The following MACF1 variants were observed in gnomAD, a reference collection of about 807,000 sequenced individuals.
The protein encoded by MACF1 is microtubule-actin cross-linking factor 1.
Under a neutral mutation model 854.8 loss-of-function variants are expected in MACF1, and 193 were observed. The observed-to-expected ratio is 0.23, with a 90% confidence interval of 0.20 to 0.25. The LOEUF is 0.25. MACF1 is among the 10% of genes least tolerant of loss of function. The pLI is 1.00. For missense variants in MACF1, 7,722 were observed against 8,929.1 expected (o/e 0.86, Z 5.45); for synonymous variants, 3,185 against 3,226.7 (o/e 0.99, Z 0.44).
rs616470 is a variant in MACF1, at chr1:39,455,763, G to T, written c.21075+666G>T. 3.8e-3 allele frequency among the ~76,000 whole-genome samples: 580 copies of T among 152,234 alleles called. 3 individuals are homozygous for T. The highest frequency in any genetic ancestry group is 0.013 in the African/African-American group (554 of 41,518). ...GAAAGCTCTCTCGCATGAACCCAGTGGTCAGTGAAGGTGCACATTAGACTA... is the reference window on the plus strand; with the variant it reads ...GAAAGCTCTCTCGCATGAACCCAGTTGTCAGTGAAGGTGCACATTAGACTA... On this transcript the variant is annotated intron_variant, in intron 89 of 100. Coordinates refer to ENST00000564288, the MANE Select transcript of MACF1 (RefSeq NM_001394062.1).
intron 52 of MACF1, among the ~76,000 whole-genome samples, chr1:39,374,551 A>C (rs1649545253): frequency 6.6e-6 from 1 of 152,238 alleles, no homozygotes; most frequent in African/African-American, 2.4e-5. Flanking sequence ...AGGGCCAGAT[A>C]GTAACTATTT....
intron 1 of MACF1, among the ~76,000 whole-genome samples, chr1:39,221,826 G>A (rs1043980447): frequency 6.6e-6 from 1 of 152,098 alleles, no homozygotes; most frequent in African/African-American, 2.4e-5. Flanking sequence ...TGGTTCTTCT[G>A]CCTCTTAGTG....
intron 2 of MACF1, among the ~76,000 whole-genome samples, chr1:39,145,508 A>C (rs1024397320): frequency 1.4e-5 from 2 of 146,988 alleles, no homozygotes; most frequent in African/African-American, 5.2e-5. Context: ...TCTTCAGACT[A>C]ACTCTCTGTG....
At chr1:39,470,778 C>T (rs764203822) in intron 97 of MACF1, among the ~76,000 whole-genome samples, 1 of 152,162 alleles carries the variant, frequency 6.6e-6, no homozygotes, top group Non-Finnish European at 1.5e-5. Flanking sequence ...CAACTTTATT[C>T]CTTTCCAAAT....
intron 35 of MACF1, among the ~76,000 whole-genome samples, chr1:39,326,879 G>A (rs971840096): frequency 1.3e-5 from 2 of 152,002 alleles, no homozygotes; most frequent in African/African-American, 4.8e-5. Context: ...AAAACTGAAA[G>A]GTAGAGTTAT....
rs75331205 is a variant in MACF1, at chr1:39,109,787, T to C, written c.220+25349T>C. ...CAGATTTCTGGGTGAAGGTTTCACA[T>C]TGTATCACAGAAGGGAGTTTTAAAA... On this transcript the variant is annotated intron_variant, in intron 2 of 93. Coordinates refer to the MACF1 transcript ENST00000361689. Among the ~76,000 whole-genome samples the C allele has an allele frequency of 4.5e-3, 690 of 152,286 alleles. 2 individuals carry two copies. Among genetic ancestry groups the C allele is most frequent in the Non-Finnish European group, 6.5e-3 (439 of 68,008 alleles).
chr1:39,155,141 A>G lies in MACF1; in HGVS notation c.220+70703A>G, dbSNP rs186158134. 5.9e-5 allele frequency among the ~76,000 whole-genome samples: 9 copies of G among 152,348 alleles called. 2 individuals are homozygous for G. The East Asian group carries it at 1.7e-3, about 29-fold the overall frequency. ...GGAAAGATCCCTGGTCTCCAAGAAT[A>G]CAACTGGAGCCAGACCATTGCACCA... On this transcript the variant is annotated intron_variant, in intron 2 of 93. Transcript: ENST00000361689.
intron 1 of MACF1, among the ~76,000 whole-genome samples, chr1:39,229,262 T>G (rs2148301035): frequency 6.6e-6 from 1 of 152,202 alleles, no homozygotes; most frequent in African/African-American, 2.4e-5. Flanking sequence ...AATTGTTCCT[T>G]GCAAAGCAAG....
At chr1:39,444,061 C>T (rs1319379223) in intron 79 of MACF1, among the ~76,000 whole-genome samples, 2 of 152,298 alleles carry the variant, frequency 1.3e-5, no homozygotes, top group South Asian at 2.1e-4. Flanking sequence ...CTTGGCCGAG[C>T]GCAGTGGCTC....
chr1:39,104,145 C>T (rs1642161339), intron 2 of MACF1, among the ~76,000 whole-genome samples: 1 of 152,110 alleles, frequency 6.6e-6, no homozygotes, highest in East Asian at 1.9e-4. Flanking sequence ...ACTTCTTACC[C>T]ACAACCACCT....
chr1:39,433,344 C>T (rs1643907812), intron 68 of MACF1, among the ~76,000 whole-genome samples, 189 bp downstream of exon 68: 1 of 152,180 alleles, frequency 6.6e-6, no homozygotes, highest in Non-Finnish European at 1.5e-5. Flanking sequence ...TTAAAACAGC[C>T]ATCCTATATA....
Position 39,333,532 on chromosome 1 carries a change from G to A in MACF1, c.6944G>A (p.Gly2315Asp), listed in dbSNP as rs189442817. 6.2e-7 allele frequency: 1 copy of A among 1,614,192 alleles called. No homozygotes were observed. The highest frequency in any genetic ancestry group is 2.2e-5 in the East Asian group (1 of 44,892). ...TTACTAAATGAAGCAATATCCCGAGGCATTGTGCCAAGTCACACTGCCGTG... is the reference window on the plus strand; with the variant it reads ...TTACTAAATGAAGCAATATCCCGAGACATTGTGCCAAGTCACACTGCCGTG... ...KLLLNEAISR[G>D]IVPSHTAVKL... is the part of the protein sequence containing the mutation. The change falls in exon 37 of 101, where the codon GGC becomes GAC. Residue 2315 changes from glycine to aspartate, a missense_variant. By Grantham distance (94) the Gly-to-Asp change is moderately conservative. Transcript: ENST00000564288.
chr1:39,260,069 G>T (rs972091618), intron 6 of MACF1, among the ~76,000 whole-genome samples: 1 of 152,024 alleles, frequency 6.6e-6, no homozygotes, highest in African/African-American at 2.4e-5. Context: ...GTGACTTGTG[G>T]ATTTTTAAGC....
intron 1 of MACF1, among the ~76,000 whole-genome samples, chr1:39,213,750 G>C (rs560366984): frequency 6.6e-6 from 1 of 152,060 alleles, no homozygotes; most frequent in South Asian, 2.1e-4. Context: ...TTCCCAGTAC[G>C]AGGCAAATTC....
intron 94 of MACF1, 69 bp from the exon 95 acceptor site, chr1:39,465,026 T>C (rs1644634847): frequency 7.3e-7 from 1 of 1,371,128 alleles, no homozygotes; most frequent in Non-Finnish European, 1.0e-6. Context: ...TCTTTAGTGT[T>C]AATTTGACAA....
intron 89 of MACF1, chr1:39,457,391 T>TG (rs1644462412): frequency 6.6e-6 from 1 of 152,412 alleles, no homozygotes; most frequent in Admixed American, 6.5e-5. Flanking sequence ...CTCACCATGT[T>TG]TTGCCTCAGT....
At chr1:39,275,287 T>C (rs1316382034) in intron 6 of MACF1, among the ~76,000 whole-genome samples, 1 of 152,116 alleles carries the variant, frequency 6.6e-6, no homozygotes, top group Non-Finnish European at 1.5e-5. Flanking sequence ...TTTCACTGTG[T>C]TAGCCAGGAT....
At chr1:39,441,931 T>A (rs571492417) in intron 74 of MACF1, 21 bp from the exon 75 acceptor site, 1 of 1,586,504 alleles carries the variant, frequency 6.3e-7, no homozygotes, top group African/African-American at 1.3e-5. Context: ...TTTTTGACTG[T>A]TTACTTGTCT....
chr1:39,129,686 A>G lies in MACF1; in HGVS notation c.220+45248A>G, dbSNP rs1642947705. Among the ~76,000 whole-genome samples, 4 of 152,202 alleles carry G rather than the reference A, an allele frequency of 2.6e-5. No individual in the cohort carries two copies. The South Asian group carries it at 6.2e-4, about 24-fold the overall frequency. On this transcript the variant is annotated intron_variant, in intron 2 of 93. Coordinates refer to the MACF1 transcript ENST00000361689. ...CTTGCATTTGCCAGTAGAGGTTGCT[A>G]TTGAAGTAGTGTAAAACCTCTTGTT... is the stretch of plus-strand genomic sequence containing the variant.
Sources: allele counts gnomAD v4.1 joint callset (sites outside exome capture counted in the v4.1 genomes callset), GRCh38; gene constraint gnomAD v4.1.1; transcripts MANE v1.5; gene names NCBI Gene and HGNC (gene_info 2026-07-23, HGNC 2026-07-21).